RGS6: variants seen among roughly 807,000 people sequenced by gnomAD.
RGS6 encodes regulator of G-protein signaling 6.
In RGS6, 30 loss-of-function variants were observed where a neutral mutation model predicts 78.5. That is an observed-to-expected ratio of 0.38 (90% CI 0.29 to 0.52). The LOEUF is 0.52. Among genes scored for constraint, RGS6 ranks in the 20% least tolerant of loss-of-function variants. The probability of loss-of-function intolerance (pLI) is 0.85; values close to 1 mark genes in which losing one functional copy is unlikely to be tolerated. For synonymous variants in RGS6, 206 were observed against 206.0 expected (o/e 1.00, Z 0.00); for missense variants, 495 against 609.7 (o/e 0.81, Z 1.98).
the RGS6 span, among the ~76,000 whole-genome samples, chr14:72,576,140 T>G: frequency 6.6e-6 from 1 of 152,224 alleles, no homozygotes; most frequent in Admixed American, 6.5e-5. Flanking sequence ...TGAGGAAAGC[T>G]CTCTTGTCAC....
At chr14:72,193,173 T>A (rs955701958) in intron 2 of RGS6, among the ~76,000 whole-genome samples, 1 of 152,046 alleles carries the variant, frequency 6.6e-6, no homozygotes, top group Admixed American at 6.6e-5. Flanking sequence ...TTTGTGTTTT[T>A]AGTAGAGGTG....
chr14:72,099,703 T>C (rs1237942414), intron 2 of RGS6, among the ~76,000 whole-genome samples: 1 of 152,202 alleles, frequency 6.6e-6, no homozygotes, highest in Non-Finnish European at 1.5e-5. Context: ...CTGTTGACCA[T>C]GTAAGGAACT....
the RGS6 span, among the ~76,000 whole-genome samples, chr14:72,576,212 T>C: frequency 1.3e-5 from 2 of 152,226 alleles, no homozygotes; most frequent in African/African-American, 2.4e-5. Context: ...ATATAGGATA[T>C]TTCCTCCAGG....
chr14:72,579,866 G>C, the RGS6 span, among the ~76,000 whole-genome samples: 1 of 152,302 alleles, frequency 6.6e-6, no homozygotes, highest in South Asian at 2.1e-4. Flanking sequence ...ATGTTAGTGT[G>C]GACTGGGGCC....
chr14:71,897,462 C>T, the RGS6 span, among the ~76,000 whole-genome samples: 3 of 152,012 alleles, frequency 2.0e-5, no homozygotes, highest in Admixed American at 6.6e-5. Flanking sequence ...TAGAGTGACA[C>T]CTGCTGCTGG....
At chr14:72,047,867 AG>A (rs2092965775) in intron 2 of RGS6, among the ~76,000 whole-genome samples, 1 of 148,236 alleles carries the variant, frequency 6.7e-6, no homozygotes, top group Non-Finnish European at 1.5e-5. Flanking sequence ...CTGGGATTAC[AG>A]GCATGTGCCA....
intron 8 of RGS6, among the ~76,000 whole-genome samples, chr14:72,470,954 C>T (rs1466820041): frequency 6.6e-6 from 1 of 151,968 alleles, no homozygotes; most frequent in Non-Finnish European, 1.5e-5. Flanking sequence ...TAAATCTGCC[C>T]TTCCTGTACA....
intron 2 of RGS6, among the ~76,000 whole-genome samples, chr14:72,143,243 G>A (rs2153616322): frequency 6.6e-6 from 1 of 151,992 alleles, no homozygotes; most frequent in South Asian, 2.1e-4. Context: ...CGTGGTGGTG[G>A]GCGTCTGTAA....
intron 2 of RGS6, among the ~76,000 whole-genome samples, chr14:72,082,402 T>G (rs534726306): frequency 6.6e-6 from 1 of 152,108 alleles, no homozygotes; most frequent in Admixed American, 6.5e-5. Flanking sequence ...TTGTAGCTAT[T>G]GAAAAAAGAT....
At chr14:72,408,219 C>T (rs2093105650) in intron 3 of RGS6, among the ~76,000 whole-genome samples, 1 of 152,174 alleles carries the variant, frequency 6.6e-6, no homozygotes, top group Non-Finnish European at 1.5e-5. Context: ...AGTTTTAGAT[C>T]AACTCGAGTC....
rs145317609 is a variant in RGS6, at chr14:72,419,939, C to A, written c.185-34589C>A. Among the ~76,000 whole-genome samples the A allele has an allele frequency of 3.0e-4, 45 of 152,254 alleles. No homozygotes were observed. The East Asian group carries it at 7.1e-3, about 24-fold the overall frequency. On this transcript the variant is annotated intron_variant, in intron 3 of 17. Coordinates refer to ENST00000553525, the MANE Select transcript of RGS6 (RefSeq NM_001204424.2). ...AGAGCAAAATGGTCCAATCTGCCCC[C>A]CTAAGGGTGTGAGACAGAGAAGTGG...
chr14:72,513,019 G>A (rs1221710530), intron 14 of RGS6, among the ~76,000 whole-genome samples: 2 of 152,190 alleles, frequency 1.3e-5, no homozygotes, highest in Non-Finnish European at 2.9e-5. Context: ...TGGCCGTGCT[G>A]GAGTCGTCCC....
intron 3 of RGS6, among the ~76,000 whole-genome samples, chr14:72,406,393 A>T (rs1039082522): frequency 3.3e-5 from 5 of 152,134 alleles, no homozygotes; most frequent in Non-Finnish European, 4.4e-5. Context: ...AAAAAAAAAA[A>T]TAAGAAACTG....
chr14:72,276,153 T>C (rs1235654950), intron 2 of RGS6, among the ~76,000 whole-genome samples: 2 of 152,228 alleles, frequency 1.3e-5, no homozygotes, highest in African/African-American at 2.4e-5. Context: ...CATGCTACCT[T>C]ATCACTTTTT....
chr14:72,457,084 T>TAAAAAAAAA (rs747066432), intron 4 of RGS6, among the ~76,000 whole-genome samples: 4 of 82,132 alleles, frequency 4.9e-5, no homozygotes, highest in Admixed American at 2.9e-4. Flanking sequence ...GACCTGTCTC[T>TAAAAAAAAA]AAAAAAAAAA....
intron 17 of RGS6, among the ~76,000 whole-genome samples, chr14:72,553,098 G>A (rs934074478): frequency 2.0e-5 from 3 of 152,166 alleles, no homozygotes; most frequent in African/African-American, 4.8e-5. Flanking sequence ...CCTGATGTTC[G>A]CCTCTGTGTT....
At chr14:72,325,174 A>G (rs1489737619) in intron 2 of RGS6, among the ~76,000 whole-genome samples, 1 of 152,178 alleles carries the variant, frequency 6.6e-6, no homozygotes, top group African/African-American at 2.4e-5. Flanking sequence ...ATCTGTTCAT[A>G]TCCTTCACCC....
At chr14:72,108,830 A>T (rs889637357) in intron 2 of RGS6, among the ~76,000 whole-genome samples, 3 of 151,788 alleles carry the variant, frequency 2.0e-5, no homozygotes, top group East Asian at 1.9e-4. Flanking sequence ...GCAAATCTGG[A>T]AATTGTATGT....
At chr14:72,101,756 A>AC (rs2095533209) in intron 2 of RGS6, among the ~76,000 whole-genome samples, 1 of 151,840 alleles carries the variant, frequency 6.6e-6, no homozygotes, top group Non-Finnish European at 1.5e-5. Context: ...TTGAATCTCT[A>AC]CCCCCAGTGT....
Sources: allele counts gnomAD v4.1 joint callset (sites outside exome capture counted in the v4.1 genomes callset), GRCh38; gene constraint gnomAD v4.1.1; transcripts MANE v1.5; gene names NCBI Gene and HGNC (gene_info 2026-07-23, HGNC 2026-07-21).